Variants in PRKN observed in about 807,000 individuals in gnomAD.
PRKN encodes the protein E3 ubiquitin-protein ligase parkin.
In PRKN, 56 loss-of-function variants were observed where a neutral mutation model predicts 59.5. The ratio of observed to expected loss-of-function variants is 0.94; its 90% CI spans 0.76 to 1.18. PRKN has a LOEUF of 1.18. Ranked by LOEUF, PRKN falls within the 50% of genes most tolerant of loss-of-function variation. The probability of loss-of-function intolerance (pLI) is 0.00; values close to 1 mark genes in which losing one functional copy is unlikely to be tolerated. For synonymous variants in PRKN, 250 were observed against 222.1 expected (o/e 1.13, Z -1.12); for missense variants, 657 against 596.4 (o/e 1.10, Z -1.06).
At chr6:161,493,521 C>T (rs1777633356) in intron 9 of PRKN, among the ~76,000 whole-genome samples, 1 of 152,158 alleles carries the variant, frequency 6.6e-6, no homozygotes, top group Admixed American at 6.5e-5. Context: ...AGTGTTTATC[C>T]AGTTGATGAA....
At chr6:161,641,912 A>G (rs1176473513) in intron 7 of PRKN, among the ~76,000 whole-genome samples, 1 of 152,248 alleles carries the variant, frequency 6.6e-6, no homozygotes, top group Non-Finnish European at 1.5e-5. Context: ...CAAGCTCATT[A>G]CCAAACATTT....
intron 2 of PRKN, among the ~76,000 whole-genome samples, chr6:162,348,635 CTT>C (rs1562691642): frequency 1.3e-5 from 2 of 152,112 alleles, no homozygotes; most frequent in Non-Finnish European, 2.9e-5. Flanking sequence ...ATATTGTCAT[CTT>C]TGTAAGTCTC....
intron 1 of PRKN, among the ~76,000 whole-genome samples, chr6:162,443,791 T>A (rs1405009980): frequency 6.6e-6 from 1 of 152,140 alleles, no homozygotes; most frequent in Non-Finnish European, 1.5e-5. Flanking sequence ...AAGAGTCCCA[T>A]GAGTTTATTG....
At chr6:161,979,431 C>T (rs562994714) in intron 5 of PRKN, among the ~76,000 whole-genome samples, 1 of 152,202 alleles carries the variant, frequency 6.6e-6, no homozygotes, top group East Asian at 1.9e-4. Flanking sequence ...TGCCACCATG[C>T]CTGGCTAATT....
At chr6:161,735,794 A>T (rs1042308785) in intron 7 of PRKN, among the ~76,000 whole-genome samples, 1 of 152,104 alleles carries the variant, frequency 6.6e-6, no homozygotes, top group African/African-American at 2.4e-5. Context: ...GGGCGCCTGT[A>T]GTCCCAGCTA....
intron 10 of PRKN, among the ~76,000 whole-genome samples, chr6:161,366,718 G>A (rs554725994): frequency 6.6e-6 from 1 of 152,182 alleles, no homozygotes; most frequent in Admixed American, 6.5e-5. Context: ...ATACACTGCT[G>A]AGTGTTCAAA....
intron 7 of PRKN, among the ~76,000 whole-genome samples, chr6:161,726,430 C>T (rs181733887): frequency 1.8e-3 from 281 of 152,258 alleles, no homozygotes; most frequent in Non-Finnish European, 3.5e-3. Context: ...ATGTGTTATC[C>T]GGCACATGGC....
intron 9 of PRKN, among the ~76,000 whole-genome samples, chr6:161,394,123 C>A (rs777932820): frequency 1.3e-5 from 2 of 152,124 alleles, no homozygotes; most frequent in Non-Finnish European, 2.9e-5. Context: ...TGCCACAGAA[C>A]GGAGATGGTG....
At chr6:161,958,926 G>T (rs1780280524) in intron 6 of PRKN, among the ~76,000 whole-genome samples, 1 of 151,866 alleles carries the variant, frequency 6.6e-6, no homozygotes, top group Non-Finnish European at 1.5e-5. Flanking sequence ...TGTGAGAGTG[G>T]TTAGTTTATA....
At chr6:161,989,974 C>T (rs913623851) in intron 5 of PRKN, among the ~76,000 whole-genome samples, 1 of 152,146 alleles carries the variant, frequency 6.6e-6, no homozygotes, top group African/African-American at 2.4e-5. Flanking sequence ...CCTGCCACCA[C>T]CACCACTGGT....
At chr6:162,557,880 C>G (rs532899954) in intron 1 of PRKN, among the ~76,000 whole-genome samples, 2 of 152,188 alleles carry the variant, frequency 1.3e-5, no homozygotes, top group Non-Finnish European at 2.9e-5. Context: ...AAAGATGCTA[C>G]TGCATCAGGC....
At chr6:162,535,380 TTTC>T (rs1165980642) in intron 1 of PRKN, among the ~76,000 whole-genome samples, 18 of 152,224 alleles carry the variant, frequency 1.2e-4, no homozygotes, top group African/African-American at 3.6e-4. Context: ...GTCCAATGTC[TTTC>T]TTCATCATAT....
intron 1 of PRKN, among the ~76,000 whole-genome samples, chr6:162,599,480 C>T (rs373786720): frequency 1.3e-4 from 17 of 129,570 alleles, no homozygotes; most frequent in Non-Finnish European, 2.8e-4. Context: ...CAGGTCCAGA[C>T]ATCCTTAAAC....
intron 6 of PRKN, among the ~76,000 whole-genome samples, chr6:161,874,379 T>C (rs1274609654): frequency 1.1e-5 from 1 of 91,884 alleles, no homozygotes; most frequent in African/African-American, 4.5e-5. Context: ...ATATTATATA[T>C]AAAATATATA....
Position 161,842,595 on chromosome 6 carries a change from C to T in PRKN, c.735-56687G>A, listed in dbSNP as rs576105855. Among the ~76,000 whole-genome samples the T allele has an allele frequency of 1.0e-3, 155 of 151,946 alleles. 7 individuals carry two copies. The South Asian group carries it at 0.03, about 29-fold the overall frequency. ...TTTTTCTTTTTTTGAGACAGAGTCT[C>T]GCTCTGTCACCCAGGCTGGAGTGCA... On this transcript the variant is annotated intron_variant, in intron 6 of 11. Transcript: ENST00000366898.
intron 1 of PRKN, among the ~76,000 whole-genome samples, chr6:162,629,935 C>G (rs1783041208): frequency 6.6e-6 from 1 of 152,196 alleles, no homozygotes; most frequent in South Asian, 2.1e-4. Flanking sequence ...CTTCTATCCT[C>G]CTCAGAATAC....
chr6:162,423,375 C>A (rs1490879973), intron 2 of PRKN, among the ~76,000 whole-genome samples: 1 of 152,136 alleles, frequency 6.6e-6, no homozygotes, highest in Non-Finnish European at 1.5e-5. Context: ...ATACAGTTGG[C>A]CTTCCTCCCT....
At chr6:162,194,224 T>C (rs1562571832) in intron 4 of PRKN, among the ~76,000 whole-genome samples, 1 of 152,218 alleles carries the variant, frequency 6.6e-6, no homozygotes. Context: ...TTTCAACAAA[T>C]TGATCATTCA....
chr6:161,781,432 G>A (rs1241099912), intron 7 of PRKN, among the ~76,000 whole-genome samples: 1 of 152,110 alleles, frequency 6.6e-6, no homozygotes, highest in Non-Finnish European at 1.5e-5. Flanking sequence ...TTGAACCCAA[G>A]AGTGCATAAG....
Sources: allele counts gnomAD v4.1 joint callset (sites outside exome capture counted in the v4.1 genomes callset), GRCh38; gene constraint gnomAD v4.1.1; transcripts MANE v1.5; gene names NCBI Gene and HGNC (gene_info 2026-07-23, HGNC 2026-07-21).